The following HEPH variants were observed in gnomAD, a reference collection of about 807,000 sequenced individuals.
HEPH encodes hephaestin.
Under a neutral mutation model 80.8 loss-of-function variants are expected in HEPH, and 69 were observed. That is an observed-to-expected ratio of 0.85 (90% confidence interval 0.70 to 1.04). The LOEUF is 1.04. Ranked by LOEUF, HEPH falls within the 50% of genes least tolerant of loss-of-function variation. HEPH has a pLI of 0.00. For missense variants in HEPH, 1,115 were observed against 891.3 expected (o/e 1.25, Z -3.20); for synonymous variants, 431 against 322.8 (o/e 1.34, Z -3.60).
chrX:66,245,989 C>T (rs1484112182), intron 15 of HEPH, among the ~76,000 whole-genome samples: 2 of 112,382 alleles, frequency 1.8e-5, no homozygotes, highest in East Asian at 2.8e-4. Flanking sequence ...GCTGCAGTTG[C>T]AGACAGGCCA....
At chrX:66,196,714 C>G (rs903279504) in intron 9 of HEPH, among the ~76,000 whole-genome samples, 2 of 111,746 alleles carry the variant, frequency 1.8e-5, no homozygotes, top group Non-Finnish European at 3.8e-5. Context: ...CTGGGGAAAT[C>G]TTTTTAATCT....
At chrX:66,164,136 C>T, upstream of HEPH, 1 of 638,019 alleles carries the variant, frequency 1.6e-6, no homozygotes, top group Non-Finnish European at 1.9e-6. Context: ...AAGTACAACC[C>T]ACCCCCTTGT....
chrX:66,197,135 T>C (rs1277849635), intron 9 of HEPH, among the ~76,000 whole-genome samples: 2 of 110,954 alleles, frequency 1.8e-5, no homozygotes, highest in Non-Finnish European at 3.8e-5. Flanking sequence ...TGTGCATTGC[T>C]TGACCATGTC....
intron 17 of HEPH, 35 bp from the exon 18 acceptor site, chrX:66,258,805 C>A: frequency 9.6e-7 from 1 of 1,038,227 alleles, no homozygotes; most frequent in Non-Finnish European, 1.3e-6. Context: ...GAAGCTTTTT[C>A]TTTTCTTTTC....
At chrX:66,236,390 A>T (rs1312983778) in intron 15 of HEPH, among the ~76,000 whole-genome samples, 2 of 111,661 alleles carry the variant, frequency 1.8e-5, no homozygotes, top group African/African-American at 3.3e-5. Flanking sequence ...TTTTGTCTTT[A>T]GTTCTGCTTA....
chrX:66,178,251 A>G (rs888216365), intron 4 of HEPH, among the ~76,000 whole-genome samples: 3 of 111,844 alleles, frequency 2.7e-5, no homozygotes, highest in African/African-American at 6.5e-5. Context: ...AGCTTCATCT[A>G]TGTCCCTACA....
chrX:66,217,106 T>C (rs2089432110), intron 15 of HEPH, among the ~76,000 whole-genome samples: 2 of 110,992 alleles, frequency 1.8e-5, no homozygotes, highest in Admixed American at 1.9e-4. Flanking sequence ...GGAAAACATA[T>C]TTGAGGGAAT....
chrX:66,233,848 A>G (rs1489442072), intron 15 of HEPH, among the ~76,000 whole-genome samples: 1 of 111,404 alleles, frequency 9.0e-6, no homozygotes, highest in African/African-American at 3.3e-5. Flanking sequence ...TCATGATTCT[A>G]GACCAAGGCT....
At chrX:66,187,978 G>T (rs1467107705) in intron 4 of HEPH, among the ~76,000 whole-genome samples, 1 of 111,814 alleles carries the variant, frequency 8.9e-6, no homozygotes, top group Non-Finnish European at 1.9e-5. Flanking sequence ...TAAGAGTTTA[G>T]ATATGGATAA....
chrX:66,231,399 C>T (rs1363241204), intron 15 of HEPH, among the ~76,000 whole-genome samples: 1 of 102,154 alleles, frequency 9.8e-6, no homozygotes, highest in Non-Finnish European at 2.0e-5. Flanking sequence ...TTGATTCTTC[C>T]TACCCATGAG....
chrX:66,207,970 C>T (rs1240677987), intron 14 of HEPH, 145 bp from the exon 15 acceptor site: 1 of 407,717 alleles, frequency 2.5e-6, no homozygotes, highest in Non-Finnish European at 4.1e-6. Flanking sequence ...ATGGAGCCAG[C>T]CATGCCTTCT....
chrX:66,231,326 A>G (rs1191948076), intron 15 of HEPH, among the ~76,000 whole-genome samples: 13 of 106,221 alleles, frequency 1.2e-4, no homozygotes, highest in Non-Finnish European at 2.1e-4. Context: ...AGTCATTGGT[A>G]GCTTGATGGG....
rs1471697833 is a variant in HEPH at position 66,238,632 on chromosome X, G to C, written c.2564-16403G>C. On this transcript the variant is annotated intron_variant, in intron 15 of 20. Transcript: ENST00000343002. ...GAGGTCCACTGTTAGTCTGATGGGT[G>C]TCCTTTTGTAGGTGACCTGCCCTTT... Among the ~76,000 whole-genome samples the C allele has an allele frequency of 1.2e-4, 13 of 111,629 alleles. No individual in the cohort carries two copies. The Admixed American group carries it at 1.2e-3, about 11-fold the overall frequency.
Position 66,172,437 on chromosome X carries a change from G to T in HEPH, c.250G>T (p.Asp84Tyr). 8.3e-7 allele frequency: 1 copy of T among 1,209,789 alleles called. No individual in the cohort carries two copies. Among genetic ancestry groups the T allele is most frequent in the Non-Finnish European group, 1.1e-6 (1 of 894,452 alleles). ...KKTIYKEYKD[D>Y]SYTDEVAQPA... ...GACCATCTATAAAGAATACAAGGAT[G>T]ACTCATACACAGATGAAGTGGCCCA... Residue 84 changes from aspartate to tyrosine, a missense_variant, in exon 3 of 21, where the codon GAC becomes TAC. Around this residue, in one of 3 missense-constraint regions of HEPH, gnomAD observed 391 missense variants for 343.6 expected, o/e 1.14. Transcript: ENST00000343002.
intron 18 of HEPH, among the ~76,000 whole-genome samples, chrX:66,259,458 G>C (rs1364323981): frequency 8.9e-6 from 1 of 111,916 alleles, no homozygotes; most frequent in Non-Finnish European, 1.9e-5. Context: ...ATTTAGAAGT[G>C]CTGAAAAAGA....
intron 19 of HEPH, 23 bp downstream of exon 19, chrX:66,260,285 T>C: frequency 2.6e-6 from 3 of 1,168,163 alleles, no homozygotes; most frequent in South Asian, 1.8e-5. Context: ...TTCCCCAAAA[T>C]GATCATCTTC....
intron 4 of HEPH, among the ~76,000 whole-genome samples, chrX:66,183,644 A>C (rs1343497827): frequency 1.8e-5 from 1 of 55,660 alleles, no homozygotes; most frequent in Non-Finnish European, 2.7e-5. Flanking sequence ...GATCCTTTCA[A>C]AAAACCAGCT....
intron 15 of HEPH, among the ~76,000 whole-genome samples, chrX:66,232,845 A>G (rs1329710604): frequency 2.7e-5 from 3 of 110,954 alleles, no homozygotes; most frequent in Non-Finnish European, 5.7e-5. Flanking sequence ...GGTACTGTAA[A>G]TTATTACATA....
At chrX:66,203,704 TG>T in intron 13 of HEPH, 127 bp downstream of exon 13, 1 of 543,268 alleles carries the variant, frequency 1.8e-6, no homozygotes, top group Non-Finnish European at 3.0e-6. Context: ...ATTTGGGAGA[TG>T]GGGCTATAAT....
Sources: allele counts gnomAD v4.1 joint callset (sites outside exome capture counted in the v4.1 genomes callset), GRCh38; gene constraint gnomAD v4.1.1; regional missense constraint gnomAD v4.1.1; transcripts MANE v1.5; gene names NCBI Gene and HGNC (gene_info 2026-07-23, HGNC 2026-07-21).